Variants in MADD observed in about 807,000 individuals in gnomAD.
MADD encodes MAP kinase activating death domain, also known as MAP kinase-activating death domain protein.
In MADD, 109 loss-of-function variants were observed where a neutral mutation model predicts 176.7. The ratio of observed to expected loss-of-function variants is 0.62; its 90% CI spans 0.53 to 0.72. The LOEUF (loss-of-function observed/expected upper bound fraction) is 0.72. Among genes scored for constraint, MADD ranks in the 30% least tolerant of loss-of-function variants. The pLI is 0.00. For synonymous variants in MADD, 771 were observed against 771.3 expected, an observed-to-expected ratio of 1.00 and a Z score of 0.01; for missense variants, 1,914 against 2,045.5, an observed-to-expected ratio of 0.94 and a Z score of 1.24.
chr11:47,281,250 C>T (rs1359134665), intron 7 of MADD, among the ~76,000 whole-genome samples: 1 of 152,216 alleles, frequency 6.6e-6, no homozygotes, highest in Admixed American at 6.5e-5. Flanking sequence ...TTTTAAAAAA[C>T]ATTTAATGAC....
chr11:47,311,665 C>G (rs1205773948), intron 25 of MADD, 67 bp from the exon 29 acceptor site: 8 of 988,948 alleles, frequency 8.1e-6, no homozygotes, highest in Non-Finnish European at 1.3e-5. Flanking sequence ...CTTGTACATT[C>G]TCTTTTCTCT....
At chr11:47,315,126 C>G (rs2092344036) in intron 26 of MADD, 94 bp from the exon 30 acceptor site, 2 of 720,112 alleles carry the variant, frequency 2.8e-6, no homozygotes, top group Admixed American at 2.1e-5. Context: ...GCTGAGGAAG[C>G]CGATATGAAT....
chr11:47,303,854 C>T (rs150610317), intron 22 of MADD, among the ~76,000 whole-genome samples: 4,140 of 148,032 alleles, frequency 0.028, 191 homozygotes, highest in African/African-American at 0.098. Context: ...ATGATCTGCC[C>T]GCCTTGGCCT....
At chr11:47,287,396 G>C (rs577396008) in intron 15 of MADD, among the ~76,000 whole-genome samples, 2 of 152,262 alleles carry the variant, frequency 1.3e-5, no homozygotes, top group South Asian at 4.1e-4. Flanking sequence ...GGGCTTTTCT[G>C]AATTTGATTT....
chr11:47,289,693 G>C (rs1457415236), intron 16 of MADD, among the ~76,000 whole-genome samples, 174 bp from the exon 18 acceptor site: 2 of 152,200 alleles, frequency 1.3e-5, no homozygotes, highest in Non-Finnish European at 2.9e-5. Context: ...ATCAGCAGCG[G>C]TGGGTATTTG....
intron 26 of MADD, among the ~76,000 whole-genome samples, chr11:47,314,907 A>C (rs532078167): frequency 1.3e-5 from 1 of 74,378 alleles, no homozygotes; most frequent in South Asian, 6.1e-4. Context: ...ATTACTATGT[A>C]ATGGGTTATA....
In MADD at chr11:47,281,166, G is replaced by T. The variant is rs1042369072; in HGVS notation, c.1291-409G>T. On this transcript the variant is annotated intron_variant, in intron 7 of 32. Transcript: ENST00000402192. ...AGCTTGGGAGCCCTGAGCATTTGAGGCTCTGCTTCCTGTGTCCTTCAGAGC... is the reference window on the plus strand; with the variant it reads ...AGCTTGGGAGCCCTGAGCATTTGAGTCTCTGCTTCCTGTGTCCTTCAGAGC... 7.9e-5 allele frequency among the ~76,000 whole-genome samples: 12 copies of T among 152,132 alleles called. No homozygotes were observed. The East Asian group carries it at 1.9e-3, about 24-fold the overall frequency.
intron 28 of MADD, 27 bp downstream of exon 31, chr11:47,323,862 G>A (rs1202671896): frequency 3.1e-6 from 5 of 1,606,066 alleles, no homozygotes; most frequent in Admixed American, 3.4e-5. Flanking sequence ...TTTGGGTTGG[G>A]GCTAGTAGGC....
chr11:47,315,509 C>T (rs757845967), intron 27 of MADD, among the ~76,000 whole-genome samples, 182 bp downstream of exon 30: 5 of 152,178 alleles, frequency 3.3e-5, no homozygotes, highest in African/African-American at 1.2e-4. Context: ...GTGTCTCGCT[C>T]TGTCACCCAG....
At chr11:47,298,733 T>C (rs1356991243) in intron 22 of MADD, among the ~76,000 whole-genome samples, 1 of 152,212 alleles carries the variant, frequency 6.6e-6, no homozygotes, top group African/African-American at 2.4e-5. Context: ...ACTTTTGAGG[T>C]CTCCATAAAC....
At chr11:47,277,230 C>T (rs924252606) in intron 5 of MADD, among the ~76,000 whole-genome samples, 8 of 152,210 alleles carry the variant, frequency 5.3e-5, no homozygotes, top group Admixed American at 1.3e-4. Flanking sequence ...ACATATATAC[C>T]GGTGATACCG....
intron 22 of MADD, 113 bp from the exon 25 acceptor site, chr11:47,308,478 T>C (rs1005451155): frequency 1.5e-6 from 1 of 673,036 alleles, no homozygotes; most frequent in Non-Finnish European, 2.6e-6. Context: ...TACTGGAGTT[T>C]ATGTTGCTAA....
rs113711811 is a variant in MADD, at chr11:47,279,946, C to T, written c.1290+867C>T. The stretch of plus-strand genomic sequence containing the variant: ...ATTAGCCGGGCATGGTGGTGGACGC[C>T]CGTAGTCCAGCTACTCAGGAGGCTG... On this transcript the variant is annotated intron_variant, in intron 7 of 32. Coordinates refer to ENST00000402192, the Ensembl canonical transcript of MADD. Among the ~76,000 whole-genome samples the T allele has an allele frequency of 6.5e-3, 986 of 152,096 alleles. 14 individuals are homozygous for T. Among genetic ancestry groups the T allele is most frequent in the African/African-American group, 0.023 (943 of 41,498 alleles).
chr11:47,311,830 GCTGGCGAAC>G (rs1384788234), exon 26 of MADD: 1 of 1,613,050 alleles, frequency 6.2e-7, no homozygotes, highest in East Asian at 2.2e-5. Context: ...TGCTTGATCA[GCTGGCGAAC>G]CTGGTAAGCA....
At chr11:47,300,087 A>G (rs941989989) in intron 22 of MADD, among the ~76,000 whole-genome samples, 1 of 152,156 alleles carries the variant, frequency 6.6e-6, no homozygotes, top group African/African-American at 2.4e-5. Context: ...AGCTTTTATC[A>G]TGAAGGAATG....
intron 30 of MADD, among the ~76,000 whole-genome samples, chr11:47,326,334 C>T (rs981514660): frequency 6.6e-6 from 1 of 152,176 alleles, no homozygotes; most frequent in Non-Finnish European, 1.5e-5. Context: ...GCTTTGCGCC[C>T]GTGCCAGCCC....
exon 9 of MADD, chr11:47,282,528 C>A: frequency 6.2e-7 from 1 of 1,614,172 alleles, no homozygotes; most frequent in African/African-American, 1.3e-5. Context: ...CTCCTTTTGC[C>A]GAGAAATTGG....
chr11:47,295,731 A>G, intron 21 of MADD, 152 bp downstream of exon 23: 1 of 1,529,612 alleles, frequency 6.5e-7, no homozygotes. Context: ...TGTGTATACG[A>G]GATTTCACCC....
intron 31 of MADD, chr11:47,327,841 T>A: frequency 2.0e-6 from 2 of 985,372 alleles, no homozygotes; most frequent in Non-Finnish European, 2.4e-6. Flanking sequence ...CTGCTCCCAG[T>A]CTCAAGGGGC....
Sources: gnomAD v4.1 joint callset for allele counts (sites outside exome capture counted in the v4.1 genomes callset) on GRCh38, gnomAD v4.1.1 for gene constraint, MANE v1.5 for transcripts, NCBI Gene and HGNC (gene_info 2026-07-23, HGNC 2026-07-21) for gene names.